The following CLVS1 variants were observed in gnomAD, a reference collection of about 807,000 sequenced individuals.
CLVS1 encodes clavesin 1, also known as clavesin-1.
CLVS1 carries 10 observed loss-of-function variants against 33.1 expected under a neutral mutation model. The ratio of observed to expected loss-of-function variants is 0.30; its 90% CI spans 0.19 to 0.51. The LOEUF is 0.51. CLVS1 is among the 20% of genes least tolerant of loss of function. CLVS1 has a pLI of 0.97. For synonymous variants in CLVS1, 163 were observed against 166.1 expected (o/e 0.98, Z 0.14); for missense variants, 343 against 433.4 (o/e 0.79, Z 1.85).
intron 2 of CLVS1, among the ~76,000 whole-genome samples, chr8:61,238,767 A>T (rs1808625835): frequency 6.6e-6 from 1 of 152,220 alleles, no homozygotes; most frequent in Non-Finnish European, 1.5e-5. Flanking sequence ...GATTCCATCA[A>T]ATGAAGATAA....
the CLVS1 span, among the ~76,000 whole-genome samples, chr8:60,990,064 G>T: frequency 8.5e-3 from 1,195 of 141,214 alleles, 28 homozygotes; most frequent in South Asian, 0.055. Flanking sequence ...GGTGGAGGTT[G>T]CAGTGAGCCG....
chr8:60,969,790 A>G, the CLVS1 span, among the ~76,000 whole-genome samples: 55 of 152,248 alleles, frequency 3.6e-4, no homozygotes, highest in African/African-American at 1.3e-3. Flanking sequence ...AATATTCAAG[A>G]AAAAAATTAA....
chr8:60,980,911 G>T, the CLVS1 span, among the ~76,000 whole-genome samples: 3 of 152,090 alleles, frequency 2.0e-5, no homozygotes, highest in Admixed American at 2.0e-4. Flanking sequence ...TCATAAGAGA[G>T]AGGCAGAGGG....
At position 61,332,513 on chromosome 8, in the gene CLVS1, G is replaced by A. The variant is rs73682255; in HGVS notation, c.455+32231G>A. 4.7e-3 allele frequency among the ~76,000 whole-genome samples: 708 copies of A among 152,192 alleles called. 5 individuals are homozygous for A. Among genetic ancestry groups the A allele is most frequent in the African/African-American group, 0.016 (659 of 41,514 alleles). ...TTTGTCTATCAGCTTGCCAACTTCC[G>A]AAATTTGTTGATACTTCTAATCTGC... On this transcript the variant is annotated intron_variant, in intron 2 of 5. Coordinates refer to ENST00000325897, the MANE Select transcript of CLVS1 (RefSeq NM_173519.3).
intron 5 of CLVS1, among the ~76,000 whole-genome samples, chr8:61,497,309 G>GT (rs1173907684): frequency 6.6e-6 from 1 of 152,204 alleles, no homozygotes; most frequent in Non-Finnish European, 1.5e-5. Flanking sequence ...AGGACCAGCT[G>GT]TAAGTTTCCA....
At chr8:61,377,805 C>G (rs1813705902) in intron 3 of CLVS1, 1 of 152,192 alleles carries the variant, frequency 6.6e-6, no homozygotes, top group Non-Finnish European at 1.5e-5. Flanking sequence ...GAAATGTATC[C>G]TATTTCCCAG....
intron 2 of CLVS1, among the ~76,000 whole-genome samples, chr8:61,255,338 T>C (rs1809055624): frequency 6.6e-6 from 1 of 152,012 alleles, no homozygotes; most frequent in Non-Finnish European, 1.5e-5. Context: ...ACCTTCACAT[T>C]ACCAGACTTC....
the CLVS1 span, among the ~76,000 whole-genome samples, chr8:61,022,113 T>C: frequency 6.6e-6 from 1 of 152,258 alleles, no homozygotes; most frequent in Non-Finnish European, 1.5e-5. Context: ...CAGAGCACAT[T>C]CACACGCACA....
chr8:61,457,260 A>T (rs1040313986), intron 4 of CLVS1, among the ~76,000 whole-genome samples: 56 of 152,130 alleles, frequency 3.7e-4, no homozygotes, highest in African/African-American at 1.2e-3. Context: ...CATCATGGTT[A>T]TACTGTATGT....
intron 1 of CLVS1, among the ~76,000 whole-genome samples, chr8:61,065,147 G>T (rs1321164639): frequency 2.0e-5 from 3 of 152,186 alleles, no homozygotes; most frequent in Non-Finnish European, 2.9e-5. Flanking sequence ...AGATGCTCAA[G>T]TCCCTTATGT....
At chr8:61,349,646 C>G (rs904293332) in intron 2 of CLVS1, among the ~76,000 whole-genome samples, 2 of 151,824 alleles carry the variant, frequency 1.3e-5, no homozygotes, top group African/African-American at 2.4e-5. Context: ...TGTTCAGAAC[C>G]TTCTTAATTT....
At chr8:61,072,685 A>G (rs1186095806) in intron 1 of CLVS1, among the ~76,000 whole-genome samples, 2 of 152,200 alleles carry the variant, frequency 1.3e-5, no homozygotes, top group Non-Finnish European at 2.9e-5. Flanking sequence ...CACTTATAAC[A>G]CCAATGGGGG....
chr8:61,364,884 G>A (rs576651356), intron 2 of CLVS1, among the ~76,000 whole-genome samples: 1 of 152,312 alleles, frequency 6.6e-6, no homozygotes, highest in South Asian at 2.1e-4. Flanking sequence ...TCTAACTCAA[G>A]TTACAGGTGT....
At chr8:61,033,498 C>A in the CLVS1 span, among the ~76,000 whole-genome samples, 263 of 152,274 alleles carry the variant, frequency 1.7e-3, 2 homozygotes, top group African/African-American at 6.1e-3. Flanking sequence ...AGAGAAACAG[C>A]CCCTCACACG....
intron 3 of CLVS1, among the ~76,000 whole-genome samples, chr8:61,426,597 C>T (rs1815902152): frequency 6.6e-6 from 1 of 152,134 alleles, no homozygotes; most frequent in African/African-American, 2.4e-5. Flanking sequence ...GAGGATCGGG[C>T]CCCTGCCAAC....
At position 61,197,858 on chromosome 8, in the gene CLVS1, C is replaced by A. The variant is rs548455782; in HGVS notation, c.-152+65998C>A. Among the ~76,000 whole-genome samples the A allele has an allele frequency of 5.3e-5, 8 of 152,286 alleles. No homozygotes were observed. The East Asian group carries it at 1.5e-3, about 29-fold the overall frequency. ...TTTACTCTCCACTGTGAAAGGGCAGCACCGAGTTCAATGTAAAGTCCTATA... is the reference window on the plus strand; with the variant it reads ...TTTACTCTCCACTGTGAAAGGGCAGAACCGAGTTCAATGTAAAGTCCTATA... On this transcript the variant is annotated intron_variant, in intron 2 of 2. Transcript: ENST00000522621.
At chr8:61,436,747 A>G (rs947494040) in intron 3 of CLVS1, among the ~76,000 whole-genome samples, 2 of 152,190 alleles carry the variant, frequency 1.3e-5, no homozygotes, top group Non-Finnish European at 2.9e-5. Flanking sequence ...ACCAAACTTA[A>G]GGCATTACAT....
intron 3 of CLVS1, among the ~76,000 whole-genome samples, chr8:61,418,497 T>TAC (rs1815530503): frequency 6.6e-6 from 1 of 152,220 alleles, no homozygotes; most frequent in Admixed American, 6.5e-5. Context: ...CTATAGGCAA[T>TAC]ACACATTCTA....
chr8:60,974,619 C>A, the CLVS1 span, among the ~76,000 whole-genome samples: 1 of 152,056 alleles, frequency 6.6e-6, no homozygotes. Context: ...CTAAACATGT[C>A]AGCTTAAGTG....
Sources: allele counts gnomAD v4.1 joint callset (sites outside exome capture counted in the v4.1 genomes callset), GRCh38; gene constraint gnomAD v4.1.1; transcripts MANE v1.5; gene names NCBI Gene and HGNC (gene_info 2026-07-23, HGNC 2026-07-21).